Variants in SIPA1L3 observed in about 807,000 individuals in gnomAD.
The protein encoded by SIPA1L3 is signal-induced proliferation-associated 1-like protein 3.
Under a neutral mutation model 150.1 loss-of-function variants are expected in SIPA1L3, and 59 were observed. The observed-to-expected ratio is 0.39, with a 90% CI of 0.32 to 0.49. SIPA1L3 has a LOEUF of 0.49. Ranked by LOEUF, SIPA1L3 falls within the 20% of genes least tolerant of loss-of-function variation. The pLI is 0.86. For missense variants in SIPA1L3, 2,211 were observed against 2,489.5 expected (o/e 0.89, Z 2.38); for synonymous variants, 1,070 against 1,077.6 (o/e 0.99, Z 0.14).
chr19:38,162,420 G>A, intron 14 of SIPA1L3, 49 bp downstream of exon 14: 1 of 1,403,500 alleles, frequency 7.1e-7, no homozygotes, highest in Non-Finnish European at 1.0e-6. Context: ...GGCCTGCCTG[G>A]GTGTGGCCTC....
In SIPA1L3 at chr19:38,027,286, T is replaced by C. The variant is rs553135230; in HGVS notation, c.-378-1803T>C. ...CTGGGCAGTAGATCAAGACTCCATCTCAAAAAAAAAGAAATTATTCTGAGG... is the reference window on the plus strand; with the variant it reads ...CTGGGCAGTAGATCAAGACTCCATCCCAAAAAAAAAGAAATTATTCTGAGG... On this transcript the variant is annotated intron_variant, in intron 1 of 21. Transcript: ENST00000222345. Among the ~76,000 whole-genome samples, 7 of 151,726 alleles carry C rather than the reference T, an allele frequency of 4.6e-5. 1 individual carries two copies. In the East Asian group the frequency reaches 1.4e-3, roughly 29 times the overall value.
rs566848897 is a variant in SIPA1L3, at chr19:38,046,299, CCTG to C, written c.-311+17148_-311+17150del. ...CCAGGCCTCTCAAAAGGGACCCCCA[CCTG>C]CTGCCCGCAAAGATGGCCTCATTTC... On this transcript the variant is annotated intron_variant, in intron 2 of 21. Coordinates refer to ENST00000222345, the MANE Select transcript of SIPA1L3 (RefSeq NM_015073.3). The surrounding 1 kb of genome is among the most constrained non-coding windows in gnomAD (Gnocchi z 5.6). Among the ~76,000 whole-genome samples the C allele has an allele frequency of 2.2e-4, 33 of 152,324 alleles. No homozygotes were observed. Among genetic ancestry groups the C allele is most frequent in the Non-Finnish European group, 4.3e-4 (29 of 68,040 alleles).
At chr19:38,097,738 G>A (rs1314653693) in intron 4 of SIPA1L3, among the ~76,000 whole-genome samples, 2 of 152,144 alleles carry the variant, frequency 1.3e-5, no homozygotes, top group Admixed American at 6.5e-5. Flanking sequence ...TGTATTTTTA[G>A]TAGAGACAGG....
chr19:38,050,740 C>T lies in SIPA1L3; in HGVS notation c.-311+21584C>T, dbSNP rs116706106. Among the ~76,000 whole-genome samples the T allele has an allele frequency of 3.6e-3, 544 of 152,052 alleles. 2 individuals carry two copies. Among genetic ancestry groups the T allele is most frequent in the African/African-American group, 0.012 (496 of 41,462 alleles). The stretch of plus-strand genomic sequence containing the variant: ...GTCGAGTGCTGTATATTCATTTCCA[C>T]GTGTGTAGTTTTTAATTTTTAAAAG... On this transcript the variant is annotated intron_variant, in intron 2 of 21. Transcript: ENST00000222345.
At chr19:38,074,502 A>T (rs901241682) in intron 2 of SIPA1L3, among the ~76,000 whole-genome samples, 1 of 152,222 alleles carries the variant, frequency 6.6e-6, no homozygotes, top group Admixed American at 6.5e-5. Flanking sequence ...GCTGCTGAGG[A>T]CAGGCAGCGC....
At chr19:38,014,615 C>G (rs1302136351) in intron 1 of SIPA1L3, among the ~76,000 whole-genome samples, 2 of 136,440 alleles carry the variant, frequency 1.5e-5, no homozygotes, top group Non-Finnish European at 3.0e-5. Flanking sequence ...TGCAGTGGTA[C>G]AATCATAGCT....
chr19:37,930,025 A>AT (rs34993739), intron 1 of SIPA1L3, among the ~76,000 whole-genome samples: 80,727 of 131,836 alleles, frequency 0.61, 25,115 homozygotes, highest in African/African-American at 0.72. Flanking sequence ...TGCCTGGCAA[A>AT]TTTTTTTTTT....
At chr19:38,169,314 G>A (rs1425313214) in intron 15 of SIPA1L3, among the ~76,000 whole-genome samples, 1 of 152,048 alleles carries the variant, frequency 6.6e-6, no homozygotes, top group Non-Finnish European at 1.5e-5. Flanking sequence ...GCTTGAGTCT[G>A]GGAGGCAGAG....
intron 1 of SIPA1L3, among the ~76,000 whole-genome samples, chr19:37,912,342 A>C (rs1386688651): frequency 6.6e-6 from 1 of 152,090 alleles, no homozygotes; most frequent in East Asian, 1.9e-4. Context: ...CTGTGACTCT[A>C]TCCTATATTA....
intron 12 of SIPA1L3, among the ~76,000 whole-genome samples, chr19:38,151,061 C>T (rs1038248313): frequency 6.6e-6 from 1 of 152,190 alleles, no homozygotes; most frequent in Non-Finnish European, 1.5e-5. Context: ...CTCCTCTCTT[C>T]CACCATCAGA....
At chr19:38,153,439 G>A (rs1355844692) in intron 13 of SIPA1L3, among the ~76,000 whole-genome samples, 1 of 152,164 alleles carries the variant, frequency 6.6e-6, no homozygotes, top group Non-Finnish European at 1.5e-5. Context: ...AGAGGCCGAG[G>A]TGGGAGGATT....
At chr19:38,032,620 A>G (rs1471036180) in intron 2 of SIPA1L3, among the ~76,000 whole-genome samples, 2 of 152,162 alleles carry the variant, frequency 1.3e-5, no homozygotes. Flanking sequence ...TGGGCGGGTC[A>G]CTTGCGGTCA....
intron 20 of SIPA1L3, 35 bp from the exon 21 acceptor site, chr19:38,204,091 AG>A: frequency 6.5e-7 from 1 of 1,527,740 alleles, no homozygotes; most frequent in South Asian, 1.2e-5. Flanking sequence ...CAGGGGCTTT[AG>A]GGCCTCAGGC....
At chr19:37,954,467 G>C (rs2046791264) in intron 1 of SIPA1L3, among the ~76,000 whole-genome samples, 1 of 152,134 alleles carries the variant, frequency 6.6e-6, no homozygotes, top group Non-Finnish European at 1.5e-5. Flanking sequence ...GGGAAAATGG[G>C]GGAGTGCACA....
chr19:38,038,030 A>G (rs768514471), intron 2 of SIPA1L3, among the ~76,000 whole-genome samples: 21 of 152,276 alleles, frequency 1.4e-4, no homozygotes, highest in South Asian at 8.3e-4. Context: ...CAAACTCTGC[A>G]TGTCCCAAGG....
At position 37,937,741 on chromosome 19, in the gene SIPA1L3, C is replaced by CAAAAAA. The variant is rs34881450; in HGVS notation, c.-379+30401_-379+30406dup. 7.4e-3 allele frequency among the ~76,000 whole-genome samples: 139 copies of CAAAAAA among 18,672 alleles called. 24 individuals carry two copies. Among genetic ancestry groups the CAAAAAA allele is most frequent in the African/African-American group, 0.016 (64 of 4,008 alleles). 12.2% of individuals were successfully genotyped at this position (18,672 alleles called of 152,430 possible). On this transcript the variant is annotated intron_variant, in intron 1 of 21. Coordinates refer to ENST00000222345, the MANE Select transcript of SIPA1L3 (RefSeq NM_015073.3). ...AGGGCGACAGAGTGAAACCCTGTCT[C>CAAAAAA]AAAAAAAAAAAAAAAAAAAAAAAGA... is the stretch of plus-strand genomic sequence containing the variant.
At chr19:38,075,512 G>A (rs756430845) in intron 2 of SIPA1L3, among the ~76,000 whole-genome samples, 4 of 151,978 alleles carry the variant, frequency 2.6e-5, no homozygotes, top group Non-Finnish European at 5.9e-5. Context: ...TGGGTGCGGT[G>A]GTTCACGCCT....
chr19:38,177,293 G>A (rs1341223161), intron 15 of SIPA1L3, among the ~76,000 whole-genome samples: 2 of 151,312 alleles, frequency 1.3e-5, no homozygotes, highest in Non-Finnish European at 2.9e-5. Flanking sequence ...CCTGGGAAGC[G>A]GAGGTTGCAG....
intron 1 of SIPA1L3, among the ~76,000 whole-genome samples, chr19:37,937,801 C>G (rs1184917967): frequency 7.1e-6 from 1 of 141,294 alleles, no homozygotes; most frequent in Non-Finnish European, 1.5e-5. Context: ...AATCCCAGCA[C>G]TTTGGGAGGC....
Sources: allele counts gnomAD v4.1 joint callset (sites outside exome capture counted in the v4.1 genomes callset), GRCh38; gene constraint gnomAD v4.1.1; non-coding constraint Gnocchi (gnomAD v3.1); transcripts MANE v1.5; gene names NCBI Gene and HGNC (gene_info 2026-07-23, HGNC 2026-07-21).